Variants in FHIT observed in about 807,000 individuals in gnomAD.
FHIT encodes the protein bis(5'-adenosyl)-triphosphatase.
A neutral mutation model predicts 17.9 loss-of-function variants in FHIT; 19 were observed. The observed-to-expected ratio is 1.06, with a 90% CI of 0.74 to 1.56. The LOEUF (loss-of-function observed/expected upper bound fraction) is 1.56, where lower values mean the gene tolerates loss of function less well. Among genes scored for constraint, FHIT ranks in the 40% most tolerant of loss-of-function variants. The pLI is 0.00. For missense variants in FHIT, 248 were observed against 189.2 expected (o/e 1.31, Z -1.82); for synonymous variants, 81 against 69.7 (o/e 1.16, Z -0.81).
At chr3:60,494,596 T>C (rs2034215512) in intron 5 of FHIT, among the ~76,000 whole-genome samples, 1 of 152,154 alleles carries the variant, frequency 6.6e-6, no homozygotes, top group Non-Finnish European at 1.5e-5. Context: ...TCATTAACCA[T>C]ACCCACACCT....
chr3:61,195,945 A>G (rs990436249), intron 2 of FHIT, among the ~76,000 whole-genome samples: 1 of 152,214 alleles, frequency 6.6e-6, no homozygotes, highest in Non-Finnish European at 1.5e-5. Context: ...AAAATTTTAT[A>G]TTAAAGAAAA....
At chr3:60,617,097 T>A (rs2038974318) in intron 4 of FHIT, 2 of 219,316 alleles carry the variant, frequency 9.1e-6, no homozygotes. Context: ...ATGTTCCCAA[T>A]GAGCAGGACC....
chr3:59,954,603 CT>C (rs2107320308), intron 7 of FHIT, among the ~76,000 whole-genome samples: 1 of 152,270 alleles, frequency 6.6e-6, no homozygotes, highest in Admixed American at 6.5e-5. Flanking sequence ...GAGGAACAGC[CT>C]GAGTAAATGC....
At chr3:59,835,876 T>G (rs1162601422) in intron 8 of FHIT, among the ~76,000 whole-genome samples, 3 of 152,132 alleles carry the variant, frequency 2.0e-5, no homozygotes, top group African/African-American at 7.2e-5. Flanking sequence ...AGCGGTACAT[T>G]ACTAAAGAAA....
At chr3:59,788,881 G>GTTT (rs60361063) in intron 8 of FHIT, among the ~76,000 whole-genome samples, 4 of 86,838 alleles carry the variant, frequency 4.6e-5, no homozygotes, top group East Asian at 8.0e-4. Flanking sequence ...GAGTTCATAT[G>GTTT]TTTTTTTTTT....
intron 5 of FHIT, among the ~76,000 whole-genome samples, chr3:60,128,689 T>A (rs912681189): frequency 3.3e-5 from 5 of 152,324 alleles, no homozygotes; most frequent in Admixed American, 2.6e-4. Flanking sequence ...CCATAGTAAC[T>A]GAGCATCAGG....
intron 5 of FHIT, among the ~76,000 whole-genome samples, chr3:60,336,758 G>A (rs1710258835): frequency 6.6e-6 from 1 of 152,134 alleles, no homozygotes; most frequent in South Asian, 2.1e-4. Context: ...CATTGAATTA[G>A]ATAATAACAT....
At chr3:60,155,940 C>T (rs146175445) in intron 5 of FHIT, among the ~76,000 whole-genome samples, 105 of 152,314 alleles carry the variant, frequency 6.9e-4, no homozygotes, top group African/African-American at 2.3e-3. Context: ...AAAAGCCACA[C>T]ACTTCTCCTT....
rs954925841 is a variant in FHIT, at chr3:60,406,795, T to C, written c.103+130065A>G. ...AACCTTCTTCCCTAATGTTGGCAACTGTTTAGTTCAGATGTGTCGTAGCCA... is the reference window on the plus strand; with the variant it reads ...AACCTTCTTCCCTAATGTTGGCAACCGTTTAGTTCAGATGTGTCGTAGCCA... On this transcript the variant is annotated intron_variant, in intron 5 of 9. Coordinates refer to ENST00000492590, the MANE Select transcript of FHIT (RefSeq NM_002012.4). Among the ~76,000 whole-genome samples the C allele has an allele frequency of 2.6e-5, 4 of 152,250 alleles. No homozygotes were observed. The East Asian group carries it at 7.7e-4, about 29-fold the overall frequency.
At chr3:60,963,806 T>G (rs1553782046) in intron 3 of FHIT, among the ~76,000 whole-genome samples, 1 of 152,240 alleles carries the variant, frequency 6.6e-6, no homozygotes, top group African/African-American at 2.4e-5. Context: ...CAGTTTATTA[T>G]AATTTCTATT....
At chr3:60,398,866 C>T (rs1292323138) in intron 5 of FHIT, among the ~76,000 whole-genome samples, 2 of 105,402 alleles carry the variant, frequency 1.9e-5, no homozygotes, top group East Asian at 5.7e-4. Context: ...GGATGTGTTA[C>T]AAGAAAATGT....
intron 5 of FHIT, among the ~76,000 whole-genome samples, chr3:60,045,522 C>A (rs993979699): frequency 2.6e-5 from 4 of 152,082 alleles, no homozygotes; most frequent in South Asian, 2.1e-4. Flanking sequence ...TGTATCCCTC[C>A]CACAACACGT....
intron 2 of FHIT, among the ~76,000 whole-genome samples, chr3:61,177,262 G>A (rs2038189875): frequency 6.6e-6 from 1 of 150,832 alleles, no homozygotes; most frequent in Non-Finnish European, 1.5e-5. Context: ...ATCTAATTTT[G>A]TATTCATAAT....
chr3:60,033,409 G>A (rs1575936976), intron 5 of FHIT, among the ~76,000 whole-genome samples: 1 of 151,870 alleles, frequency 6.6e-6, no homozygotes. Flanking sequence ...CAGGAGAATC[G>A]CTTGAACCTG....
chr3:60,346,971 G>A (rs17600161), intron 5 of FHIT, among the ~76,000 whole-genome samples: 22,418 of 152,000 alleles, frequency 0.15, 1,743 homozygotes, highest in Non-Finnish European at 0.16. Flanking sequence ...TCTATCAGGC[G>A]TATCATCTAG....
chr3:59,866,861 C>T (rs1041307487), intron 8 of FHIT, among the ~76,000 whole-genome samples: 1 of 152,076 alleles, frequency 6.6e-6, no homozygotes, highest in Non-Finnish European at 1.5e-5. Context: ...CACCGGCAAT[C>T]GCATTCTTGC....
At position 61,109,663 on chromosome 3, in the gene FHIT, C is replaced by T. The variant is rs1323971642; in HGVS notation, c.-163-67564G>A. On this transcript the variant is annotated intron_variant, in intron 2 of 9. Transcript: ENST00000492590. ...TGAAGTTGATAGGTGTTCAGCACAACAGTGTCATTAGGAATTTCTACAATG... is the reference window on the plus strand; with the variant it reads ...TGAAGTTGATAGGTGTTCAGCACAATAGTGTCATTAGGAATTTCTACAATG... 2.0e-5 allele frequency among the ~76,000 whole-genome samples: 3 copies of T among 152,114 alleles called. 1 individual carries two copies. Among genetic ancestry groups the T allele is most frequent in the Non-Finnish European group, 4.4e-5 (3 of 68,018 alleles).
intron 5 of FHIT, among the ~76,000 whole-genome samples, chr3:60,314,160 T>C (rs1017520340): frequency 6.6e-6 from 1 of 152,228 alleles, no homozygotes; most frequent in African/African-American, 2.4e-5. Flanking sequence ...TAAATGCAGC[T>C]GTCCTGCTCT....
chr3:60,503,731 A>T lies in FHIT; in HGVS notation c.103+33129T>A, dbSNP rs114110239. On this transcript the variant is annotated intron_variant, in intron 5 of 9. Transcript: ENST00000492590. Reference sequence around the variant, plus strand: ...AGAAAAAACTTACGGTATTAGGATCAAAAGAAAGGGATATCATACTATATG... The same window carrying T: ...AGAAAAAACTTACGGTATTAGGATCTAAAGAAAGGGATATCATACTATATG... Among the ~76,000 whole-genome samples, 1,187 of 152,332 alleles carry T rather than the reference A, an allele frequency of 7.8e-3. 22 individuals are homozygous for T. The highest frequency in any genetic ancestry group is 0.027 in the African/African-American group (1,133 of 41,572).
Sources: allele counts gnomAD v4.1 joint callset (sites outside exome capture counted in the v4.1 genomes callset), GRCh38; gene constraint gnomAD v4.1.1; transcripts MANE v1.5; gene names NCBI Gene and HGNC (gene_info 2026-07-23, HGNC 2026-07-21).